ADARB2: variants seen among roughly 807,000 people sequenced by gnomAD.
The protein encoded by ADARB2 is inactive double-stranded RNA-specific editase B2.
A neutral mutation model predicts 62.2 loss-of-function variants in ADARB2; 25 were observed. The ratio of observed to expected loss-of-function variants is 0.40; its 90% CI spans 0.29 to 0.56. The LOEUF is 0.56. ADARB2 is among the 20% of genes least tolerant of loss of function. ADARB2 has a pLI of 0.43. For synonymous variants in ADARB2, 572 were observed against 500.8 expected (o/e 1.14, Z -1.90); for missense variants, 1,071 against 1,077.4 (o/e 0.99, Z 0.08).
At chr10:1,541,219 A>G (rs1333704853) in intron 1 of ADARB2, among the ~76,000 whole-genome samples, 27 of 38,808 alleles carry the variant, frequency 7.0e-4, no homozygotes, top group Non-Finnish European at 1.0e-3. Context: ...GACGCAGTTC[A>G]GACCCTGGAT....
intron 1 of ADARB2, among the ~76,000 whole-genome samples, chr10:1,482,952 A>G (rs929476989): frequency 2.6e-5 from 4 of 152,038 alleles, no homozygotes; most frequent in African/African-American, 7.3e-5. Context: ...TTGTAGCTCA[A>G]CTTGTAAATT....
rs35409214 is a variant in ADARB2, at chr10:1,547,555, T to C, written c.101-168395A>G. 2.9e-3 allele frequency among the ~76,000 whole-genome samples: 284 copies of C among 97,320 alleles called. 2 individuals carry two copies. Among genetic ancestry groups the C allele is most frequent in the African/African-American group, 0.01 (233 of 22,726 alleles). The allele number at this position is 97,320 out of a possible 152,430, so 63.8% of individuals were successfully genotyped here. A position where few individuals can be genotyped will look rare whatever the true frequency, so the allele number is the denominator to read the frequency against. The stretch of plus-strand genomic sequence containing the variant: ...TGTTGTGGGGGAGTGGCTGCACTGG[T>C]GTATACACTGTGGGGAGGGGGAGAG... On this transcript the variant is annotated intron_variant, in intron 1 of 9. Coordinates refer to ENST00000381312, the MANE Select transcript of ADARB2 (RefSeq NM_018702.4).
At chr10:1,552,558 A>G (rs2131979328) in intron 1 of ADARB2, among the ~76,000 whole-genome samples, 1 of 152,320 alleles carries the variant, frequency 6.6e-6, no homozygotes, top group Non-Finnish European at 1.5e-5. Flanking sequence ...CAGTCAATCA[A>G]CACATCTACT....
rs1831970437 is a variant in ADARB2 at position 1,335,826 on chromosome 10, G to T, written c.1077+27202C>A. Among the ~76,000 whole-genome samples, 2 of 152,144 alleles carry T rather than the reference G, an allele frequency of 1.3e-5. 1 individual carries two copies. The highest frequency in any genetic ancestry group is 4.1e-4 in the South Asian group (2 of 4,828). The stretch of plus-strand genomic sequence containing the variant: ...TGTTTCTGCACCAGCTCACTGCCAG[G>T]CTTATCCTGCTTGGCACATGCAAAT... On this transcript the variant is annotated intron_variant, in intron 3 of 9. Transcript: ENST00000381312.
chr10:1,579,588 G>A (rs1320173430), intron 1 of ADARB2, among the ~76,000 whole-genome samples: 6 of 152,200 alleles, frequency 3.9e-5, no homozygotes, highest in Non-Finnish European at 7.3e-5. Flanking sequence ...GAGGCAGCAT[G>A]TCACAGACAC....
intron 1 of ADARB2, chr10:1,394,977 T>C (rs1343221302): frequency 8.8e-6 from 4 of 454,534 alleles, no homozygotes; most frequent in African/African-American, 2.0e-5. Flanking sequence ...TGGAGTGCAG[T>C]GGCACAATCA....
chr10:1,588,747 C>T (rs1833211301), intron 1 of ADARB2, among the ~76,000 whole-genome samples: 1 of 152,224 alleles, frequency 6.6e-6, no homozygotes, highest in African/African-American at 2.4e-5. Flanking sequence ...GGTTCACACT[C>T]AATTCTGGAG....
At chr10:1,614,029 A>G (rs1833601814) in intron 1 of ADARB2, among the ~76,000 whole-genome samples, 2 of 152,242 alleles carry the variant, frequency 1.3e-5, no homozygotes, top group South Asian at 2.1e-4. Flanking sequence ...TGGAAATAAA[A>G]TGACTTTTCT....
At chr10:1,224,161 A>G (rs934552794) in intron 6 of ADARB2, among the ~76,000 whole-genome samples, 21 of 152,248 alleles carry the variant, frequency 1.4e-4, no homozygotes, top group Admixed American at 2.0e-4. Flanking sequence ...GGGAGGATGT[A>G]TGTGTCGAGG....
intron 2 of ADARB2, among the ~76,000 whole-genome samples, chr10:1,368,210 T>C (rs1177567222): frequency 6.8e-6 from 1 of 146,750 alleles, no homozygotes; most frequent in Non-Finnish European, 1.6e-5. Context: ...AGTCACTCAG[T>C]CTGGCCAACT....
rs557651981 is a variant in ADARB2, at chr10:1,495,945, T to C, written c.101-116785A>G. Among the ~76,000 whole-genome samples the C allele has an allele frequency of 2.0e-5, 3 of 152,122 alleles. No individual in the cohort carries two copies. The South Asian group carries it at 6.2e-4, about 32-fold the overall frequency. On this transcript the variant is annotated intron_variant, in intron 1 of 9. Transcript: ENST00000381312. The stretch of plus-strand genomic sequence containing the variant: ...ATCATCATTGTCATCACCATCACCA[T>C]CATTATTGTGATCATCACCATCATT...
intron 1 of ADARB2, among the ~76,000 whole-genome samples, chr10:1,435,889 G>T (rs942412434): frequency 6.6e-6 from 1 of 152,190 alleles, no homozygotes; most frequent in Non-Finnish European, 1.5e-5. Flanking sequence ...TATAGAAAGG[G>T]ATGGGTAACC....
intron 1 of ADARB2, among the ~76,000 whole-genome samples, chr10:1,713,064 T>G (rs2119153605): frequency 6.6e-6 from 1 of 152,284 alleles, no homozygotes; most frequent in South Asian, 2.1e-4. Flanking sequence ...ACATCAGATT[T>G]TAATAGTGGC....
At chr10:1,307,529 T>C (rs896227808) in intron 3 of ADARB2, among the ~76,000 whole-genome samples, 2 of 143,078 alleles carry the variant, frequency 1.4e-5, no homozygotes, top group Admixed American at 7.3e-5. Context: ...TGGTCATTCC[T>C]CAGGGATCTA....
Position 1,261,757 on chromosome 10 carries a change from A to G in ADARB2, c.1192+9198T>C, listed in dbSNP as rs1411088502. 2.0e-5 allele frequency among the ~76,000 whole-genome samples: 3 copies of G among 150,284 alleles called. 1 individual carries two copies. The highest frequency in any genetic ancestry group is 7.6e-5 in the African/African-American group (3 of 39,654). On this transcript the variant is annotated intron_variant, in intron 4 of 9. Transcript: ENST00000381312. ...GGCGATTCCTCAGGGATCTAGAACT[A>G]GAAATACCATTTGACCCAGCCATTC...
At chr10:1,490,009 GC>G (rs1197896704) in intron 1 of ADARB2, among the ~76,000 whole-genome samples, 28 of 152,232 alleles carry the variant, frequency 1.8e-4, no homozygotes, top group Admixed American at 4.6e-4. Context: ...CAGCCTTGCA[GC>G]TGACTGACAA....
intron 2 of ADARB2, among the ~76,000 whole-genome samples, chr10:1,369,023 G>A (rs901248614): frequency 6.6e-6 from 1 of 151,638 alleles, no homozygotes; most frequent in Non-Finnish European, 1.5e-5. Flanking sequence ...AGGAGCTCAC[G>A]TCCAGGTGCC....
At chr10:1,557,283 G>A (rs1263812143) in intron 1 of ADARB2, among the ~76,000 whole-genome samples, 1 of 152,006 alleles carries the variant, frequency 6.6e-6, no homozygotes, top group East Asian at 1.9e-4. Context: ...GCTCCTGCCT[G>A]TCCCTCCTCT....
rs944280907 is a variant in ADARB2 at position 1,628,752 on chromosome 10, T to C, written c.100+108299A>G. ...AGCGAACTGGGAGAAATACAAAGAC[T>C]TTCCTGGTGTGTCTTTCTCTTCTGG... On this transcript the variant is annotated intron_variant, in intron 1 of 9. Transcript: ENST00000381312. 2.6e-5 allele frequency among the ~76,000 whole-genome samples: 4 copies of C among 152,364 alleles called. No individual in the cohort carries two copies. In the South Asian group the frequency reaches 8.3e-4, roughly 32 times the overall value.
Sources: gnomAD v4.1 joint callset for allele counts (sites outside exome capture counted in the v4.1 genomes callset) on GRCh38, gnomAD v4.1.1 for gene constraint, MANE v1.5 for transcripts, NCBI Gene and HGNC (gene_info 2026-07-23, HGNC 2026-07-21) for gene names.